Variants in JADE3 observed in about 807,000 individuals in gnomAD.
JADE3 encodes the protein jade family PHD finger 3, also known as protein Jade-3.
Under a neutral mutation model 50.1 loss-of-function variants are expected in JADE3, and 2 were observed. The observed-to-expected ratio is 0.04, with a 90% CI of 0.02 to 0.13. JADE3 has a LOEUF of 0.13. JADE3 is among the 10% of genes least tolerant of loss of function. The probability of loss-of-function intolerance (pLI) is 1.00; values close to 1 mark genes in which losing one functional copy is unlikely to be tolerated. For missense variants in JADE3, 475 were observed against 634.4 expected, an observed-to-expected ratio of 0.75 and a Z score of 2.70; for synonymous variants, 218 against 232.9, an observed-to-expected ratio of 0.94 and a Z score of 0.58.
intron 1 of JADE3, among the ~76,000 whole-genome samples, chrX:46,983,108 C>T (rs782231112): frequency 1.6e-4 from 18 of 111,926 alleles, no homozygotes; most frequent in South Asian, 3.8e-4. Flanking sequence ...TTCTTCTGAC[C>T]GCAAGAGGCT....
chrX:46,922,121 G>A (rs1393371450), intron 1 of JADE3, among the ~76,000 whole-genome samples: 1 of 107,176 alleles, frequency 9.3e-6, no homozygotes, highest in Non-Finnish European at 1.9e-5. Flanking sequence ...TCCCTGCGTC[G>A]ATATGTTCCC....
At chrX:47,025,671 G>A (rs782536157) in intron 5 of JADE3, among the ~76,000 whole-genome samples, 9 of 112,070 alleles carry the variant, frequency 8.0e-5, no homozygotes, top group Middle Eastern at 4.2e-3. Context: ...CTTACACACA[G>A]TTCTTGTTCA....
At chrX:46,939,608 T>C (rs1399715732) in intron 1 of JADE3, among the ~76,000 whole-genome samples, 1 of 112,020 alleles carries the variant, frequency 8.9e-6, no homozygotes, top group Non-Finnish European at 1.9e-5. Flanking sequence ...TTTCAGGTAC[T>C]GTTTCCACTG....
At chrX:46,965,132 A>G (rs868939700) in intron 1 of JADE3, among the ~76,000 whole-genome samples, 1 of 112,196 alleles carries the variant, frequency 8.9e-6, no homozygotes, top group African/African-American at 3.2e-5. Context: ...GCCTATAGTT[A>G]TGGACATTCT....
chrX:46,943,896 A>G (rs1164755663), intron 1 of JADE3, among the ~76,000 whole-genome samples: 1 of 110,852 alleles, frequency 9.0e-6, no homozygotes, highest in Non-Finnish European at 1.9e-5. Flanking sequence ...TTAGAACTTG[A>G]TCTGTTTAGG....
intron 1 of JADE3, among the ~76,000 whole-genome samples, chrX:46,953,598 C>A (rs1209155513): frequency 8.9e-6 from 1 of 111,797 alleles, no homozygotes; most frequent in Non-Finnish European, 1.9e-5. Flanking sequence ...TTCCCTCCCC[C>A]TTAAAGTATT....
chrX:46,992,448 T>C (rs1928040804), intron 3 of JADE3, among the ~76,000 whole-genome samples: 1 of 102,616 alleles, frequency 9.7e-6, no homozygotes, highest in Admixed American at 1.1e-4. Flanking sequence ...CGATTCAAAA[T>C]TTCTAGTTTA....
intron 1 of JADE3, among the ~76,000 whole-genome samples, chrX:46,972,003 G>A (rs1927509320): frequency 1.8e-5 from 2 of 110,257 alleles, no homozygotes; most frequent in Admixed American, 9.8e-5. Context: ...CTTTCTTTCA[G>A]TAAACATTTT....
intron 1 of JADE3, among the ~76,000 whole-genome samples, chrX:46,943,246 G>A (rs781911992): frequency 1.5e-4 from 17 of 111,680 alleles, no homozygotes; most frequent in African/African-American, 5.5e-4. Flanking sequence ...TTGAATAATA[G>A]TGGTGAGAAT....
intron 1 of JADE3, among the ~76,000 whole-genome samples, chrX:46,981,705 A>G (rs1302201251): frequency 8.9e-6 from 1 of 112,285 alleles, no homozygotes; most frequent in Admixed American, 9.5e-5. Flanking sequence ...TTTGAGATAT[A>G]ATTTGTATAC....
intron 3 of JADE3, among the ~76,000 whole-genome samples, chrX:46,996,370 A>G (rs1297729186): frequency 8.9e-6 from 1 of 112,252 alleles, no homozygotes; most frequent in Non-Finnish European, 1.9e-5. Context: ...GACAAGGACC[A>G]CATTTCATTG....
intron 1 of JADE3, among the ~76,000 whole-genome samples, chrX:46,925,084 C>G (rs1451018726): frequency 2.7e-5 from 3 of 111,671 alleles, no homozygotes; most frequent in Admixed American, 1.9e-4. Context: ...CACAGTATCT[C>G]CATTTCAATC....
At chrX:47,024,096 T>C (rs1928855309) in intron 4 of JADE3, among the ~76,000 whole-genome samples, 1 of 112,215 alleles carries the variant, frequency 8.9e-6, no homozygotes, top group Non-Finnish European at 1.9e-5. Context: ...GGCTGTGCCT[T>C]TGTGCAGATA....
chrX:46,913,528 C>T (rs1162467751), intron 1 of JADE3, among the ~76,000 whole-genome samples: 1 of 111,509 alleles, frequency 9.0e-6, no homozygotes, highest in East Asian at 2.9e-4. Flanking sequence ...TCGTTTTATT[C>T]CCTCCGCCCC....
chrX:47,056,531 G>A (rs868988827), intron 10 of JADE3, among the ~76,000 whole-genome samples: 2 of 111,948 alleles, frequency 1.8e-5, no homozygotes, highest in African/African-American at 6.5e-5. Context: ...GATCTAACAC[G>A]TTTCCAGAAA....
At chrX:47,052,425 C>T (rs1265905194) in intron 8 of JADE3, among the ~76,000 whole-genome samples, 1 of 105,061 alleles carries the variant, frequency 9.5e-6, no homozygotes, top group Non-Finnish European at 2.0e-5. Flanking sequence ...TGAGGCCAAG[C>T]ATTCGAGACC....
Position 47,056,171 on chromosome X carries a change from C to A in JADE3, c.1533C>A (p.Val511=), listed in dbSNP as rs185744814. The A allele has an allele frequency of 8.4e-7, 1 of 1,189,892 alleles. No homozygotes were observed. The highest frequency in any genetic ancestry group is 3.0e-5 in the East Asian group (1 of 33,678). The change falls in exon 10 of 11, where the codon GTC becomes GTA. Residue 511 remains valine (V), a synonymous_variant. Transcript: ENST00000614628. ...KIQEQIFGLQ[V]QLLNQEIDAG... ...AGGAACAGATCTTCGGTTTGCAAGT[C>A]CAGCTTCTTAACCAAGAAATTGATG...
chrX:46,982,128 T>C (rs181197650), intron 1 of JADE3, among the ~76,000 whole-genome samples: 25 of 111,743 alleles, frequency 2.2e-4, no homozygotes, highest in Admixed American at 2.2e-3. Flanking sequence ...CTTAATGATG[T>C]TCTACATTTC....
intron 1 of JADE3, among the ~76,000 whole-genome samples, chrX:46,930,491 G>C (rs945772524): frequency 8.6e-4 from 96 of 112,202 alleles, no homozygotes; most frequent in African/African-American, 2.8e-3. Flanking sequence ...GAATTACATA[G>C]CAATAAATAA....
Sources: gnomAD v4.1 joint callset for allele counts (sites outside exome capture counted in the v4.1 genomes callset) on GRCh38, gnomAD v4.1.1 for gene constraint, MANE v1.5 for transcripts, NCBI Gene and HGNC (gene_info 2026-07-23, HGNC 2026-07-21) for gene names.